The following GRM7 variants were observed in gnomAD, a reference collection of about 807,000 sequenced individuals.
GRM7 encodes glutamate metabotropic receptor 7.
In GRM7, 35 loss-of-function variants were observed where a neutral mutation model predicts 84.5. That is an observed-to-expected ratio of 0.41 (90% confidence interval 0.32 to 0.55). GRM7 has a LOEUF of 0.55. GRM7 is among the 20% of genes least tolerant of loss of function. GRM7 has a pLI of 0.19. For missense variants in GRM7, 1,003 were observed against 1,194.6 expected (o/e 0.84, Z 2.36); for synonymous variants, 487 against 455.1 (o/e 1.07, Z -0.89).
At chr3:7,138,346 T>TG (rs1693837051) in intron 1 of GRM7, among the ~76,000 whole-genome samples, 1 of 151,994 alleles carries the variant, frequency 6.6e-6, no homozygotes, top group South Asian at 2.1e-4. Context: ...AAGCTATAGA[T>TG]GTGGTAGATC....
At chr3:7,270,328 G>T (rs1698807893) in intron 2 of GRM7, among the ~76,000 whole-genome samples, 1 of 152,126 alleles carries the variant, frequency 6.6e-6, no homozygotes, top group South Asian at 2.1e-4. Context: ...AGTCTAGCTA[G>T]ACTGTAACTT....
At chr3:7,376,112 G>A (rs149655652) in intron 4 of GRM7, among the ~76,000 whole-genome samples, 6 of 152,244 alleles carry the variant, frequency 3.9e-5, no homozygotes, top group African/African-American at 7.2e-5. Context: ...ATAAAGTGGC[G>A]ATGTTTTAAT....
chr3:7,470,983 G>A (rs1345245044), intron 7 of GRM7, among the ~76,000 whole-genome samples: 1 of 151,520 alleles, frequency 6.6e-6, no homozygotes, highest in African/African-American at 2.4e-5. Context: ...GAATGCCCCT[G>A]TTTGAGTCCT....
chr3:7,143,665 C>A (rs1694020939), intron 1 of GRM7, among the ~76,000 whole-genome samples: 2 of 152,046 alleles, frequency 1.3e-5, no homozygotes, highest in African/African-American at 4.8e-5. Flanking sequence ...GGGCACTTCA[C>A]AATTCTGATG....
intron 2 of GRM7, among the ~76,000 whole-genome samples, chr3:7,281,149 C>T (rs552503112): frequency 1.2e-4 from 19 of 152,072 alleles, no homozygotes; most frequent in African/African-American, 2.7e-4. Context: ...TCCATGCACT[C>T]GGGTATTTCT....
intron 8 of GRM7, among the ~76,000 whole-genome samples, chr3:7,622,424 G>T (rs1344459844): frequency 6.6e-6 from 1 of 152,072 alleles, no homozygotes; most frequent in African/African-American, 2.4e-5. Flanking sequence ...CATGTGGGAA[G>T]GCTACAATGA....
chr3:7,555,239 G>A (rs555570289), intron 7 of GRM7, among the ~76,000 whole-genome samples: 3 of 152,244 alleles, frequency 2.0e-5, no homozygotes, highest in South Asian at 4.2e-4. Flanking sequence ...AATTATTATT[G>A]TGGCTGTCAC....
At chr3:7,008,635 G>A (rs1218657827) in intron 1 of GRM7, among the ~76,000 whole-genome samples, 3 of 152,154 alleles carry the variant, frequency 2.0e-5, no homozygotes, top group African/African-American at 7.2e-5. Flanking sequence ...ACTTGATGAT[G>A]ATTTTGTGTC....
chr3:7,709,387 C>A (rs971523151), intron 9 of GRM7, among the ~76,000 whole-genome samples: 3 of 152,024 alleles, frequency 2.0e-5, no homozygotes, highest in Non-Finnish European at 2.9e-5. Flanking sequence ...AGGAAAGAGC[C>A]CAGCATCTTC....
chr3:7,678,627 G>T (rs755217834), intron 8 of GRM7, among the ~76,000 whole-genome samples: 1 of 152,148 alleles, frequency 6.6e-6, no homozygotes, highest in Non-Finnish European at 1.5e-5. Context: ...ATTCAACATT[G>T]TTTTGTCTTT....
At chr3:6,871,946 T>C (rs545185607) in intron 1 of GRM7, among the ~76,000 whole-genome samples, 4 of 152,174 alleles carry the variant, frequency 2.6e-5, no homozygotes, top group South Asian at 2.1e-4. Flanking sequence ...CCCCAAACCA[T>C]TGAGGCATCC....
chr3:7,245,109 C>T (rs2124928242), intron 2 of GRM7, among the ~76,000 whole-genome samples: 1 of 151,838 alleles, frequency 6.6e-6, no homozygotes, highest in African/African-American at 2.4e-5. Context: ...GAAAGGTAAA[C>T]AGAAATCTCA....
intron 2 of GRM7, among the ~76,000 whole-genome samples, chr3:7,281,833 T>C (rs1049984219): frequency 1.3e-5 from 2 of 152,110 alleles, no homozygotes; most frequent in South Asian, 4.1e-4. Context: ...GTAATCCTAG[T>C]ACTTTGGGAG....
intron 1 of GRM7, among the ~76,000 whole-genome samples, chr3:6,898,834 A>AC (rs941039681): frequency 8.6e-5 from 13 of 152,004 alleles, no homozygotes; most frequent in African/African-American, 2.9e-4. Context: ...ACAAAAAAAA[A>AC]AAATGAAGAA....
At chr3:7,611,516 GA>G (rs1356024059) in intron 8 of GRM7, among the ~76,000 whole-genome samples, 1 of 152,142 alleles carries the variant, frequency 6.6e-6, no homozygotes, top group East Asian at 1.9e-4. Flanking sequence ...AGAAGGTATA[GA>G]AGACAGAGGC....
chr3:7,292,855 A>C (rs1232244153), intron 2 of GRM7, among the ~76,000 whole-genome samples: 1 of 151,772 alleles, frequency 6.6e-6, no homozygotes, highest in East Asian at 1.9e-4. Flanking sequence ...AACATAGTGA[A>C]ACCCCCCATC....
chr3:7,033,055 G>A (rs1016711171), intron 1 of GRM7, among the ~76,000 whole-genome samples: 1 of 152,098 alleles, frequency 6.6e-6, no homozygotes, highest in African/African-American at 2.4e-5. Context: ...AGGCTCTCAG[G>A]GAGAATCTGT....
At chr3:7,469,436 C>T (rs1698603917) in intron 7 of GRM7, among the ~76,000 whole-genome samples, 1 of 152,136 alleles carries the variant, frequency 6.6e-6, no homozygotes, top group African/African-American at 2.4e-5. Flanking sequence ...TTATTTTAGA[C>T]ACCTACCAGT....
chr3:7,140,445 G>A (rs764823066), intron 1 of GRM7, among the ~76,000 whole-genome samples: 4 of 151,970 alleles, frequency 2.6e-5, no homozygotes, highest in Non-Finnish European at 4.4e-5. Context: ...CAGGGCTTAC[G>A]AGTAAAGGAT....
Sources: gnomAD v4.1 joint callset for allele counts (sites outside exome capture counted in the v4.1 genomes callset) on GRCh38, gnomAD v4.1.1 for gene constraint, MANE v1.5 for transcripts, NCBI Gene and HGNC (gene_info 2026-07-23, HGNC 2026-07-21) for gene names.